The following ZBBX variants were observed in gnomAD, a reference collection of about 807,000 sequenced individuals.
The protein encoded by ZBBX is zinc finger B-box domain containing.
ZBBX carries 101 observed loss-of-function variants against 108.5 expected under a neutral mutation model. The ratio of observed to expected loss-of-function variants is 0.93; its 90% confidence interval spans 0.79 to 1.10. The LOEUF is 1.10. ZBBX is among the 50% of genes least tolerant of loss of function. The probability of loss-of-function intolerance (pLI) is 0.00; values close to 1 mark genes in which losing one functional copy is unlikely to be tolerated. For synonymous variants in ZBBX, 356 were observed against 323.4 expected (o/e 1.10, Z -1.08); for missense variants, 1,009 against 941.4 (o/e 1.07, Z -0.94).
At chr3:167,210,484 G>C in the ZBBX span, among the ~76,000 whole-genome samples, 2 of 152,178 alleles carry the variant, frequency 1.3e-5, no homozygotes, top group African/African-American at 4.8e-5. Flanking sequence ...AATAGGGGTA[G>C]AAAGCTTATT....
chr3:167,345,028 A>C (rs184593174), intron 9 of ZBBX, among the ~76,000 whole-genome samples: 7 of 151,990 alleles, frequency 4.6e-5, no homozygotes, highest in Admixed American at 1.3e-4. Context: ...CATACCATAA[A>C]TCCTTTTAAT....
At chr3:167,311,653 T>C (rs1366556646) in intron 16 of ZBBX, among the ~76,000 whole-genome samples, 3 of 151,900 alleles carry the variant, frequency 2.0e-5, no homozygotes, top group Non-Finnish European at 4.4e-5. Context: ...AACAAAGATA[T>C]ACAGTTGGCA....
intron 20 of ZBBX, among the ~76,000 whole-genome samples, chr3:167,248,870 G>C (rs1027926841): frequency 1.3e-5 from 2 of 152,206 alleles, no homozygotes; most frequent in Middle Eastern, 3.2e-3. Flanking sequence ...TCCCTGCTTC[G>C]TGGGTACATA....
intron 9 of ZBBX, among the ~76,000 whole-genome samples, chr3:167,334,726 A>G (rs1183286332): frequency 2.6e-5 from 4 of 152,104 alleles, no homozygotes; most frequent in Non-Finnish European, 4.4e-5. Context: ...GCACACCCCC[A>G]AATAGATAGA....
intron 19 of ZBBX, among the ~76,000 whole-genome samples, chr3:167,285,208 G>A (rs1344451648): frequency 2.0e-5 from 3 of 151,848 alleles, no homozygotes; most frequent in African/African-American, 7.2e-5. Flanking sequence ...TCATATTAAT[G>A]GATACAATAT....
At chr3:167,220,528 T>C in the ZBBX span, among the ~76,000 whole-genome samples, 1 of 151,952 alleles carries the variant, frequency 6.6e-6, no homozygotes, top group Non-Finnish European at 1.5e-5. Context: ...TTGGATAAAA[T>C]TCAACATCCC....
chr3:167,340,108 A>G (rs1370195848), intron 9 of ZBBX, among the ~76,000 whole-genome samples: 4 of 152,152 alleles, frequency 2.6e-5, no homozygotes, highest in Non-Finnish European at 5.9e-5. Context: ...AAACCTGTAC[A>G]GATTATTTTG....
At chr3:167,291,401 T>A (rs1730671583) in intron 18 of ZBBX, among the ~76,000 whole-genome samples, 1 of 151,954 alleles carries the variant, frequency 6.6e-6, no homozygotes, top group South Asian at 2.1e-4. Context: ...GGATCAATAT[T>A]CACATACTTA....
At chr3:167,282,731 C>G (rs1409435409) in intron 19 of ZBBX, among the ~76,000 whole-genome samples, 2 of 152,196 alleles carry the variant, frequency 1.3e-5, no homozygotes, top group Non-Finnish European at 2.9e-5. Flanking sequence ...TTCCTACATT[C>G]AGAGGAAAAC....
intron 8 of ZBBX, among the ~76,000 whole-genome samples, chr3:167,358,194 A>C (rs1743906975): frequency 6.6e-6 from 1 of 151,992 alleles, no homozygotes; most frequent in South Asian, 2.1e-4. Context: ...AAAGTAAAAT[A>C]AAAAAATAAT....
intron 9 of ZBBX, among the ~76,000 whole-genome samples, chr3:167,349,542 C>G (rs1046105083): frequency 4.0e-5 from 6 of 151,830 alleles, no homozygotes; most frequent in African/African-American, 1.2e-4. Flanking sequence ...TCATCAGCAC[C>G]CTTGATGGCT....
At chr3:167,247,610 C>G (rs1454802720) in intron 20 of ZBBX, among the ~76,000 whole-genome samples, 1 of 152,134 alleles carries the variant, frequency 6.6e-6, no homozygotes, top group Non-Finnish European at 1.5e-5. Flanking sequence ...CACCCTGTAA[C>G]ACATGCCCAC....
chr3:167,205,162 T>C, the ZBBX span, among the ~76,000 whole-genome samples: 66 of 152,210 alleles, frequency 4.3e-4, no homozygotes, highest in African/African-American at 1.5e-3. Flanking sequence ...AGGGTGCAAT[T>C]TGACCCCTCA....
chr3:167,407,756 GA>G (rs1447768538), exon 1 of ZBBX, among the ~76,000 whole-genome samples: 2 of 152,064 alleles, frequency 1.3e-5, no homozygotes, highest in Non-Finnish European at 2.9e-5. Flanking sequence ...AGAGGAAGAG[GA>G]GGGGTTGGTC....
Position 167,240,727 on chromosome 3 carries a change from G to T in ZBBX, c.*66C>A. 6.4e-7 allele frequency: 1 copy of T among 1,556,026 alleles called. No individual in the cohort carries two copies. The highest frequency in any genetic ancestry group is 8.7e-7 in the Non-Finnish European group (1 of 1,146,968). ...CAGCACTTGGATAGGTAATCACTTG[G>T]TTACTTTTCTCAGTTGTTTGCTTTA... On this transcript the variant is annotated 3_prime_UTR_variant, in exon 22 of 22. Transcript: ENST00000675490.
the ZBBX span, among the ~76,000 whole-genome samples, chr3:167,191,928 T>TAGAGAGAGAGAGAGAGAGAG: frequency 8.0e-6 from 1 of 125,770 alleles, no homozygotes; most frequent in African/African-American, 3.4e-5. Context: ...TATATATATA[T>TAGAGAGAGAGAGAGAGAGAG]ATATATAGAG....
the ZBBX span, among the ~76,000 whole-genome samples, chr3:167,178,402 A>T: frequency 2.0e-5 from 3 of 152,122 alleles, no homozygotes; most frequent in Admixed American, 1.3e-4. Flanking sequence ...TAAATTACTC[A>T]CTGTGACTGG....
chr3:167,293,930 G>C (rs1200223860), intron 18 of ZBBX, among the ~76,000 whole-genome samples: 1 of 152,104 alleles, frequency 6.6e-6, no homozygotes, highest in Non-Finnish European at 1.5e-5. Flanking sequence ...AATAAAGAGT[G>C]AGCTCCCATT....
At chr3:167,187,727 G>A in the ZBBX span, among the ~76,000 whole-genome samples, 27 of 152,106 alleles carry the variant, frequency 1.8e-4, no homozygotes, top group African/African-American at 6.3e-4. Context: ...CAGACTACTC[G>A]TGGAAAATAT....
Sources: gnomAD v4.1 joint callset for allele counts (sites outside exome capture counted in the v4.1 genomes callset) on GRCh38, gnomAD v4.1.1 for gene constraint, MANE v1.5 for transcripts, NCBI Gene and HGNC (gene_info 2026-07-23, HGNC 2026-07-21) for gene names.